Variants in BRIP1 observed in about 807,000 individuals in gnomAD.
BRIP1 encodes Fanconi anemia group J protein.
Under a neutral mutation model 119.7 loss-of-function variants are expected in BRIP1, and 88 were observed. The ratio of observed to expected loss-of-function variants is 0.74; its 90% CI spans 0.62 to 0.88. BRIP1 has a LOEUF of 0.88. Ranked by LOEUF, BRIP1 falls within the 40% of genes least tolerant of loss-of-function variation. The probability of loss-of-function intolerance (pLI) is 0.00; values close to 1 mark genes in which losing one functional copy is unlikely to be tolerated. For synonymous variants in BRIP1, 443 were observed against 496.5 expected, an observed-to-expected ratio of 0.89 and a Z score of 1.43; for missense variants, 1,259 against 1,455.4, an observed-to-expected ratio of 0.87 and a Z score of 2.20.
In BRIP1 at chr17:61,689,947, A is replaced by G; in HGVS notation, c.2575+3483T>C. ...CTTGAGCCTGGGAGGCTGAGGCTGC[A>G]GTGAGTCATGATCATGCCACTGGAC... On this transcript the variant is annotated intron_variant, in intron 18 of 19. Coordinates refer to ENST00000259008, the MANE Select transcript of BRIP1 (RefSeq NM_032043.3). This position sits in a 1 kb window ranked among gnomAD's most constrained non-coding sequence, Gnocchi z 4.5. 6.6e-6 allele frequency among the ~76,000 whole-genome samples: 1 copy of G among 152,218 alleles called. No homozygotes were observed. Among genetic ancestry groups the G allele is most frequent in the East Asian group, 1.9e-4 (1 of 5,198 alleles).
Position 61,796,428 on chromosome 17 carries a change from T to C in BRIP1, c.1340+2672A>G, listed in dbSNP as rs2077900610. 6.6e-6 allele frequency among the ~76,000 whole-genome samples: 1 copy of C among 152,130 alleles called. No individual in the cohort carries two copies. ...CTTTAATCTATTTTGATTTGATTTT[T>C]GTTAATGGTGAAAGATAGGGGTCTT... is the stretch of plus-strand genomic sequence containing the variant. On this transcript the variant is annotated intron_variant, in intron 9 of 19. Coordinates refer to ENST00000259008, the MANE Select transcript of BRIP1 (RefSeq NM_032043.3). This position sits in a 1 kb window ranked among gnomAD's most constrained non-coding sequence, Gnocchi z 4.8.
At chr17:61,833,279 C>T (rs2078519361) in intron 6 of BRIP1, among the ~76,000 whole-genome samples, 1 of 152,156 alleles carries the variant, frequency 6.6e-6, no homozygotes, top group African/African-American at 2.4e-5. Flanking sequence ...GAAATATTCA[C>T]CAAGTTCACT....
rs1210376585 is a variant in BRIP1 at position 61,814,668 on chromosome 17, A to G, written c.628-5911T>C. ...CTACTTGAGAGCAAATTGGTGATCT[A>G]GTGAAATCAAAGATACATATACCCT... On this transcript the variant is annotated intron_variant, in intron 6 of 19. Coordinates refer to ENST00000259008, the MANE Select transcript of BRIP1 (RefSeq NM_032043.3). This position sits in a 1 kb window ranked among gnomAD's most constrained non-coding sequence, Gnocchi z 4.9. Among the ~76,000 whole-genome samples the G allele has an allele frequency of 6.6e-6, 1 of 152,074 alleles. No homozygotes were observed. Among genetic ancestry groups the G allele is most frequent in the Admixed American group, 6.6e-5 (1 of 15,256 alleles).
intron 6 of BRIP1, among the ~76,000 whole-genome samples, chr17:61,811,703 G>T (rs1334404445): frequency 1.3e-5 from 2 of 151,672 alleles, no homozygotes; most frequent in Non-Finnish European, 2.9e-5. Flanking sequence ...TGTAATCCCA[G>T]CACTCTGGGA....
intron 16 of BRIP1, among the ~76,000 whole-genome samples, chr17:61,728,613 G>T (rs1157029248): frequency 3.3e-5 from 5 of 152,202 alleles, no homozygotes; most frequent in Non-Finnish European, 5.9e-5. Flanking sequence ...GAAACTGTTG[G>T]GAGGATGTGT....
chr17:61,737,524 C>CA (rs201036726), intron 16 of BRIP1, among the ~76,000 whole-genome samples: 88 of 151,658 alleles, frequency 5.8e-4, no homozygotes, highest in African/African-American at 1.9e-3. Flanking sequence ...AACAAACAAA[C>CA]AAAAAAAACA....
chr17:61,710,196 T>A lies in BRIP1; in HGVS notation c.2492+5755A>T, dbSNP rs1194831754. ...TTAATAAAATTCTAAAAGTACAGTA[T>A]TATATATCAATACTATAAATACATG... On this transcript the variant is annotated intron_variant, in intron 17 of 19. Transcript: ENST00000259008. The surrounding 1 kb of genome is among the most constrained non-coding windows in gnomAD (Gnocchi z 5.4). 6.6e-6 allele frequency among the ~76,000 whole-genome samples: 1 copy of A among 152,172 alleles called. No homozygotes were observed. The highest frequency in any genetic ancestry group is 1.5e-5 in the Non-Finnish European group (1 of 68,024).
In BRIP1 at chr17:61,710,285, T is replaced by C. The variant is rs2061751315; in HGVS notation, c.2492+5666A>G. On this transcript the variant is annotated intron_variant, in intron 17 of 19. Transcript: ENST00000259008. The surrounding 1 kb of genome is among the most constrained non-coding windows in gnomAD (Gnocchi z 5.4). ...TAAAAGCTCTCTGGGCAATGTTGTA[T>C]GGCAGGAAAAAGCACTGAACCTCAC... Among the ~76,000 whole-genome samples, 1 of 152,182 alleles carries C rather than the reference T, an allele frequency of 6.6e-6. No individual in the cohort carries two copies. The highest frequency in any genetic ancestry group is 2.4e-5 in the African/African-American group (1 of 41,450).
chr17:61,786,779 T>C (rs2077715965), intron 10 of BRIP1, among the ~76,000 whole-genome samples: 1 of 133,732 alleles, frequency 7.5e-6, no homozygotes, highest in South Asian at 2.1e-4. Context: ...TATATATTTA[T>C]ATATAATATA....
chr17:61,683,164 C>G lies in BRIP1; in HGVS notation c.*132G>C. 1 of 1,126,224 alleles carries G rather than the reference C, an allele frequency of 8.9e-7. No individual in the cohort carries two copies. Among genetic ancestry groups the G allele is most frequent in the Non-Finnish European group, 1.3e-6 (1 of 795,060 alleles). 69.8% of individuals were successfully genotyped at this position (1,126,224 alleles called of 1,614,324 possible). On this transcript the variant is annotated 3_prime_UTR_variant, in exon 20 of 20. Transcript: ENST00000259008. This position sits in a 1 kb window ranked among gnomAD's most constrained non-coding sequence, Gnocchi z 4.7. ...AAACCCAAAAACTCAAGAATAATAACATTTACATTTCTGAACATAAAATAG... is the reference window on the plus strand; with the variant it reads ...AAACCCAAAAACTCAAGAATAATAAGATTTACATTTCTGAACATAAAATAG...
chr17:61,812,500 T>G (rs1472879138), intron 6 of BRIP1, among the ~76,000 whole-genome samples: 10 of 152,016 alleles, frequency 6.6e-5, no homozygotes, highest in African/African-American at 2.2e-4. Flanking sequence ...CCAAACTCTT[T>G]AAGAAATGGC....
rs568538772 is a variant in BRIP1 at position 61,842,597 on chromosome 17, A to C, written c.627+4504T>G. Among the ~76,000 whole-genome samples, 365 of 152,330 alleles carry C rather than the reference A, an allele frequency of 2.4e-3. 2 individuals are homozygous for C. The highest frequency in any genetic ancestry group is 7.7e-3 in the African/African-American group (320 of 41,576). On this transcript the variant is annotated intron_variant, in intron 6 of 19. Coordinates refer to ENST00000259008, the MANE Select transcript of BRIP1 (RefSeq NM_032043.3). This position sits in a 1 kb window ranked among gnomAD's most constrained non-coding sequence, Gnocchi z 5.1. Reference sequence around the variant, plus strand: ...TTATTATGTGTCAACAAAAATAAACAAAAAATAAAGATCAGAACTACAAAT... The same window carrying C: ...TTATTATGTGTCAACAAAAATAAACCAAAAATAAAGATCAGAACTACAAAT...
At chr17:61,859,721 G>T in intron 3 of BRIP1, 75 bp downstream of exon 3, 2 of 941,734 alleles carry the variant, frequency 2.1e-6, no homozygotes, top group Non-Finnish European at 1.8e-6. Flanking sequence ...GGCTGAACCA[G>T]TCTGGATAAA....
chr17:61,861,395 G>C lies in BRIP1; in HGVS notation c.93+52C>G, dbSNP rs2078970129. ...AGTCAAATACTCAATGTACTTTATGGGTCATAAGTATCTATATCTTAATAA... is the reference window on the plus strand; with the variant it reads ...AGTCAAATACTCAATGTACTTTATGCGTCATAAGTATCTATATCTTAATAA... On this transcript the variant is annotated intron_variant, in intron 2 of 19. Coordinates refer to ENST00000259008, the MANE Select transcript of BRIP1 (RefSeq NM_032043.3). The surrounding 1 kb of genome is among the most constrained non-coding windows in gnomAD (Gnocchi z 4.5). 8.7e-7 allele frequency: 1 copy of C among 1,155,544 alleles called. No homozygotes were observed. Among genetic ancestry groups the C allele is most frequent in the Admixed American group, 1.7e-5 (1 of 58,520 alleles). The allele number at this position is 1,155,544 out of a possible 1,614,324, so 71.6% of individuals were successfully genotyped here.
chr17:61,718,957 T>C (rs1424224772), intron 16 of BRIP1, among the ~76,000 whole-genome samples: 1 of 152,226 alleles, frequency 6.6e-6, no homozygotes, highest in Non-Finnish European at 1.5e-5. Flanking sequence ...AAATAGTTGT[T>C]ACATTGTAGT....
rs2145037063 is a variant in BRIP1, at chr17:61,776,651, A to G, written c.1936-89T>C. 1 of 1,367,372 alleles carries G rather than the reference A, an allele frequency of 7.3e-7. No homozygotes were observed. The highest frequency in any genetic ancestry group is 1.0e-6 in the Non-Finnish European group (1 of 960,686). The allele number at this position is 1,367,372 out of a possible 1,614,324, so 84.7% of individuals were successfully genotyped here. On this transcript the variant is annotated intron_variant, in intron 13 of 19. Transcript: ENST00000259008. This position sits in a 1 kb window ranked among gnomAD's most constrained non-coding sequence, Gnocchi z 5.0. ...TTGGAAGTATGTACATAAAAGATCA[A>G]GCAACAAGTTTAACAATTTATTTTT...
At chr17:61,685,348 T>C (rs903010780) in intron 19 of BRIP1, 2 of 154,138 alleles carry the variant, frequency 1.3e-5, no homozygotes, top group African/African-American at 4.8e-5. Flanking sequence ...TTAAAATAAA[T>C]GTCTCTCACC....
intron 10 of BRIP1, among the ~76,000 whole-genome samples, chr17:61,792,486 TAAG>T (rs1436331459): frequency 6.6e-6 from 1 of 152,168 alleles, no homozygotes; most frequent in Non-Finnish European, 1.5e-5. Flanking sequence ...CATTCAGCTA[TAAG>T]AAGAAATGAG....
chr17:61,847,334 T>A, intron 5 of BRIP1, 114 bp from the exon 6 acceptor site: 1 of 1,148,686 alleles, frequency 8.7e-7, no homozygotes, highest in Non-Finnish European at 1.3e-6. Flanking sequence ...AAAAAAAGAC[T>A]ATTTCTAACA....
Sources: allele counts gnomAD v4.1 joint callset (sites outside exome capture counted in the v4.1 genomes callset), GRCh38; gene constraint gnomAD v4.1.1; non-coding constraint Gnocchi (gnomAD v3.1); transcripts MANE v1.5; gene names NCBI Gene and HGNC (gene_info 2026-07-23, HGNC 2026-07-21).